Variants in P2RX6 observed in about 807,000 individuals in gnomAD.
The protein encoded by P2RX6 is P2X purinoceptor 6.
In P2RX6, 62 loss-of-function variants were observed where a neutral mutation model predicts 54.2. The observed-to-expected ratio is 1.14, with a 90% CI of 0.93 to 1.41. The LOEUF (loss-of-function observed/expected upper bound fraction) is 1.41, where lower values mean the gene tolerates loss of function less well. Ranked by LOEUF, P2RX6 falls within the 40% of genes most tolerant of loss-of-function variation. The pLI, the probability that P2RX6 is intolerant of heterozygous loss-of-function variation, is 0.00. For missense variants in P2RX6, 541 were observed against 566.3 expected, an observed-to-expected ratio of 0.96 and a Z score of 0.45; for synonymous variants, 211 against 231.9, an observed-to-expected ratio of 0.91 and a Z score of 0.82.
chr22:21,021,545 A>G (rs1006023043), intron 3 of P2RX6, among the ~76,000 whole-genome samples: 1 of 152,106 alleles, frequency 6.6e-6, no homozygotes, highest in Non-Finnish European at 1.5e-5. Context: ...CCTCCACCCA[A>G]TCACGACGGC....
intron 2 of P2RX6, 117 bp downstream of exon 2, chr22:21,016,209 G>A (rs1238000997): frequency 1.6e-5 from 17 of 1,087,524 alleles, no homozygotes; most frequent in African/African-American, 4.7e-5. Flanking sequence ...AGACGGCTGC[G>A]GGTTCTCAGG....
At chr22:21,024,267 G>A (rs964552922) in intron 8 of P2RX6, among the ~76,000 whole-genome samples, 1 of 146,212 alleles carries the variant, frequency 6.8e-6, no homozygotes, top group Non-Finnish European at 1.5e-5. Flanking sequence ...CCTCCCTTCC[G>A]CTTTTACCTA....
At position 21,023,000 on chromosome 22, in the gene P2RX6, G is replaced by A; in HGVS notation, c.522G>A (p.Trp174Ter). ...FNGTHRTCEI[W>*]SWCPVESGVV... ...GGACCCACAGGACCTGTGAGATCTG[G>A]AGTTGGTGCCCCGTGGAGAGTGGCG... Residue 174 changes from tryptophan to a stop codon, truncating the protein, a stop_gained, in exon 5 of 12, where the codon TGG becomes TGA. Coordinates refer to ENST00000413302, the MANE Select transcript of P2RX6 (RefSeq NM_005446.5). LOFTEE classifies it high-confidence loss of function. The A allele has an allele frequency of 6.2e-7, 1 of 1,613,624 alleles. No individual in the cohort carries two copies. The highest frequency in any genetic ancestry group is 8.5e-7 in the Non-Finnish European group (1 of 1,179,636).
In P2RX6 at chr22:21,026,683, T is replaced by G; in HGVS notation, c.*66T>G. 2.6e-6 allele frequency: 4 copies of G among 1,518,506 alleles called. No individual in the cohort carries two copies. The highest frequency in any genetic ancestry group is 2.5e-5 in the South Asian group (2 of 79,104). 94.1% of individuals were successfully genotyped at this position (1,518,506 alleles called of 1,614,324 possible). A position where few individuals can be genotyped will look rare whatever the true frequency, so the allele number is the denominator to read the frequency against. Reference sequence around the variant, plus strand: ...GGGCCCTGCCTGGGGATCTCAAGGATGAGGCCCCAGCATGGAGGATTGGGG... The same window carrying G: ...GGGCCCTGCCTGGGGATCTCAAGGAGGAGGCCCCAGCATGGAGGATTGGGG... On this transcript the variant is annotated 3_prime_UTR_variant, in exon 12 of 12. Transcript: ENST00000413302. The surrounding 1 kb of genome is among the most constrained non-coding windows in gnomAD (Gnocchi z 4.0).
intron 3 of P2RX6, chr22:21,018,270 AGAG>A: frequency 1.8e-6 from 1 of 559,764 alleles, no homozygotes; most frequent in Admixed American, 2.8e-5. Flanking sequence ...TCCCCATTTC[AGAG>A]GAGAAGACTG....
At chr22:21,017,855 G>A (rs117902636) in intron 2 of P2RX6, 134 bp from the exon 3 acceptor site, 16,989 of 712,484 alleles carry the variant, frequency 0.024, 649 homozygotes, top group East Asian at 0.16. Flanking sequence ...CTCTGCTTCA[G>A]TCTGCCTTAC....
At position 21,016,029 on chromosome 22, in the gene P2RX6, C is replaced by G. The variant is rs565868337; in HGVS notation, c.252C>G (p.Val84=). 297 of 1,556,740 alleles carry G rather than the reference C, an allele frequency of 1.9e-4. No individual in the cohort carries two copies. Among genetic ancestry groups the G allele is most frequent in the East Asian group, 4.8e-4 (20 of 41,492 alleles). ...TCACCAAACTCAAAGGGGTTTCCGT[C>G]ACTCAGATCAAGGAGCTTGGAAACC... ...SIITKLKGVS[V]TQIKELGNRL... The change falls in exon 2 of 12, where the codon GTC becomes GTG. Residue 84 remains valine (V), a synonymous_variant. Transcript: ENST00000413302.
chr22:21,012,588 C>T, upstream of P2RX6: 1 of 610,534 alleles, frequency 1.6e-6, no homozygotes, highest in East Asian at 3.7e-5. Flanking sequence ...CCCCATAGAG[C>T]CCACTGTCCC....
intron 2 of P2RX6, among the ~76,000 whole-genome samples, chr22:21,017,221 C>T (rs1387530401): frequency 6.6e-6 from 1 of 152,176 alleles, no homozygotes; most frequent in Non-Finnish European, 1.5e-5. Context: ...TCAGGAATTC[C>T]CCCAACCCTG....
At chr22:21,016,946 G>T (rs1288151993) in intron 2 of P2RX6, among the ~76,000 whole-genome samples, 2 of 152,122 alleles carry the variant, frequency 1.3e-5, no homozygotes, top group South Asian at 4.1e-4. Flanking sequence ...CTCCTGGCAT[G>T]GCCTCTGTGA....
At chr22:21,018,423 G>C in intron 3 of P2RX6, 1 of 340,682 alleles carries the variant, frequency 2.9e-6, no homozygotes, top group Non-Finnish European at 5.7e-6. Flanking sequence ...CTCCAGGTTG[G>C]TAGTGTGACA....
chr22:21,010,893 C>T (rs541942765), upstream of P2RX6, among the ~76,000 whole-genome samples: 4 of 151,978 alleles, frequency 2.6e-5, no homozygotes, highest in South Asian at 2.1e-4. Flanking sequence ...GAAACAGGCC[C>T]GCATGCTCAC....
At position 21,022,949 on chromosome 22, in the gene P2RX6, A is replaced by T. The variant is rs769122603; in HGVS notation, c.471A>T (p.Lys157Asn). ...GEGGTHSHGVKTGQCVVFNGT... is the reference protein window; with the variant it reads ...GEGGTHSHGVNTGQCVVFNGT... ...TCATCTTTTGTTTTCTAGGTGTAAAAACAGGCCAGTGTGTGGTGTTCAATG... is the reference window on the plus strand; with the variant it reads ...TCATCTTTTGTTTTCTAGGTGTAAATACAGGCCAGTGTGTGGTGTTCAATG... The change falls in exon 5 of 12, where the codon AAA becomes AAT. Residue 157 changes from lysine (K) to asparagine (N), a missense_variant. By Grantham distance (94) the Lys-to-Asn change is moderately conservative. Transcript: ENST00000413302. The T allele has an allele frequency of 8.1e-6, 13 of 1,613,570 alleles. 1 individual carries two copies. In the South Asian group the frequency reaches 1.3e-4, roughly 16 times the overall value.
At chr22:21,017,783 A>G in intron 2 of P2RX6, 1 of 648,972 alleles carries the variant, frequency 1.5e-6, no homozygotes. Flanking sequence ...GTCTCAAGAG[A>G]TGGACATGGG....
In P2RX6 at chr22:21,026,272, G is replaced by A. The variant is rs1928437345; in HGVS notation, c.1071G>A (p.Leu357=). The change falls in exon 11 of 12, where the codon CTG becomes CTA. Residue 357 remains leucine (L), a synonymous_variant. Transcript: ENST00000413302. The surrounding 1 kb of genome is among the most constrained non-coding windows in gnomAD (Gnocchi z 4.0). ...WLGVVTFFCD[L]LLLYVDREAH... ...CCCAGGTCACCTTTTTCTGTGACCT[G>A]CTACTGCTGTATGTGGATAGAGAAG... 6.2e-7 allele frequency: 1 copy of A among 1,604,004 alleles called. No individual in the cohort carries two copies. The highest frequency in any genetic ancestry group is 8.5e-7 in the Non-Finnish European group (1 of 1,175,716).
upstream of P2RX6, chr22:21,011,319 C>A: frequency 1.7e-6 from 1 of 590,020 alleles, no homozygotes; most frequent in South Asian, 2.1e-5. Flanking sequence ...GTCCTGCCAA[C>A]CCCCACCCAT....
intron 3 of P2RX6, among the ~76,000 whole-genome samples, chr22:21,022,374 TA>T (rs1342553569): frequency 1.3e-5 from 2 of 152,162 alleles, no homozygotes; most frequent in Non-Finnish European, 2.9e-5. Context: ...ACCGAATCAC[TA>T]AAAATAAATT....
rs769484801 is a variant in P2RX6, at chr22:21,015,183, G to T, written c.9G>T (p.Pro3=). MC[P]QLAGAGSMGS... ...AGCTGCCATGCTGACTCATGTGCCC[G>T]CAGCTAGCAGGAGCTGGCAGCATGG... Residue 3 remains proline, a synonymous_variant, in exon 1 of 12, where the codon CCG becomes CCT. Coordinates refer to ENST00000413302, the MANE Select transcript of P2RX6 (RefSeq NM_005446.5). 6.6e-7 allele frequency: 1 copy of T among 1,505,004 alleles called. No individual in the cohort carries two copies. Among genetic ancestry groups the T allele is most frequent in the South Asian group, 1.3e-5 (1 of 74,428 alleles). The allele number at this position is 1,505,004 out of a possible 1,614,324, so 93.2% of individuals were successfully genotyped here.
At position 21,026,148 on chromosome 22, in the gene P2RX6, T is replaced by C; in HGVS notation, c.1050+72T>C. The C allele has an allele frequency of 6.5e-7, 1 of 1,540,248 alleles. No individual in the cohort carries two copies. The highest frequency in any genetic ancestry group is 8.8e-7 in the Non-Finnish European group (1 of 1,132,014). On this transcript the variant is annotated intron_variant, in intron 10 of 11. Transcript: ENST00000413302. This position sits in a 1 kb window ranked among gnomAD's most constrained non-coding sequence, Gnocchi z 4.0. ...TGACCAGGGTGTGTCCAATGCATGC[T>C]GGAGCCTCCGGTGCCTGCACATTGA... is the stretch of plus-strand genomic sequence containing the variant.
Sources: gnomAD v4.1 joint callset for allele counts (sites outside exome capture counted in the v4.1 genomes callset) on GRCh38, gnomAD v4.1.1 for gene constraint, Gnocchi (gnomAD v3.1) non-coding constraint, MANE v1.5 for transcripts, NCBI Gene and HGNC (gene_info 2026-07-23, HGNC 2026-07-21) for gene names.